SLC6A6: variants seen among roughly 807,000 people sequenced by gnomAD.
SLC6A6 encodes sodium- and chloride-dependent taurine transporter.
A neutral mutation model predicts 68.8 loss-of-function variants in SLC6A6; 16 were observed. That is an observed-to-expected ratio of 0.23 (90% CI 0.16 to 0.35). The LOEUF is 0.35. Ranked by LOEUF, SLC6A6 falls within the 10% of genes least tolerant of loss-of-function variation. The pLI is 1.00. For synonymous variants in SLC6A6, 312 were observed against 315.4 expected (o/e 0.99, Z 0.12); for missense variants, 474 against 802.8 (o/e 0.59, Z 4.95).
At chr3:14,476,942 G>A (rs918097005) in intron 10 of SLC6A6, among the ~76,000 whole-genome samples, 10 of 152,246 alleles carry the variant, frequency 6.6e-5, no homozygotes, top group African/African-American at 2.4e-4. Flanking sequence ...AGAAGATGCA[G>A]AGGTGTGGAA....
rs1430930097 is a variant in SLC6A6, at chr3:14,479,134, CG to C, written c.1503del (p.Trp503GlyfsTer2). The C allele has an allele frequency of 6.2e-7, 1 of 1,613,500 alleles. No homozygotes were observed. Among genetic ancestry groups the C allele is most frequent in the Non-Finnish European group, 8.5e-7 (1 of 1,179,544 alleles). ...TTGAGGACATGATTGGCTATCGGCCCGGGCCCTGGATGAAGTACAGCTGGGC... is the reference window on the plus strand; with the variant it reads ...TTGAGGACATGATTGGCTATCGGCCCGGCCCTGGATGAAGTACAGCTGGGC... The part of the protein sequence containing the change: ...GIEDMIGYRP[G>X]PWMKYSWAVI... On this transcript the variant is annotated frameshift_variant, in exon 13 of 15. Coordinates refer to ENST00000622186, the MANE Select transcript of SLC6A6 (RefSeq NM_003043.6). LOFTEE classifies it high-confidence loss of function.
chr3:14,488,273 G>T lies in SLC6A6; in HGVS notation c.*3266G>T. 6.6e-6 allele frequency: 1 copy of T among 152,606 alleles called. No individual in the cohort carries two copies. Among genetic ancestry groups the T allele is most frequent in the Non-Finnish European group, 1.5e-5 (1 of 68,246 alleles). 9.5% of individuals were successfully genotyped at this position (152,606 alleles called of 1,614,324 possible). On this transcript the variant is annotated 3_prime_UTR_variant, in exon 15 of 15. Coordinates refer to ENST00000622186, the MANE Select transcript of SLC6A6 (RefSeq NM_003043.6). ...CCTTCCAGGACAGCATAACCCCTGG[G>T]CCATGTGCAGCTCCTTCACTGCCCC...
intron 13 of SLC6A6, among the ~76,000 whole-genome samples, chr3:14,479,958 A>C (rs899073684): frequency 1.3e-5 from 2 of 152,194 alleles, no homozygotes; most frequent in African/African-American, 4.8e-5. Context: ...AAATGGCCCA[A>C]TATTCCTTGG....
At chr3:14,451,782 C>T (rs1455273548) in intron 5 of SLC6A6, among the ~76,000 whole-genome samples, 2 of 152,268 alleles carry the variant, frequency 1.3e-5, no homozygotes, top group African/African-American at 4.8e-5. Context: ...AGCCACCAAC[C>T]CTGCAGCGTC....
chr3:14,444,434 T>G, intron 3 of SLC6A6: 1 of 232,306 alleles, frequency 4.3e-6, no homozygotes, highest in Non-Finnish European at 8.7e-6. Flanking sequence ...GGTTTGGGTT[T>G]TTGGATTTTG....
At chr3:14,458,387 C>T (rs960595991) in intron 6 of SLC6A6, among the ~76,000 whole-genome samples, 2 of 152,248 alleles carry the variant, frequency 1.3e-5, no homozygotes, top group South Asian at 4.1e-4. Flanking sequence ...CCCCATCCAC[C>T]ACAGCTTTCT....
chr3:14,421,095 T>C (rs1699475685), intron 2 of SLC6A6, among the ~76,000 whole-genome samples: 1 of 152,212 alleles, frequency 6.6e-6, no homozygotes, highest in Non-Finnish European at 1.5e-5. Context: ...GTGACAGCCC[T>C]GGGGCATGGA....
chr3:14,414,504 T>G (rs1366789730), intron 1 of SLC6A6, among the ~76,000 whole-genome samples: 2 of 151,974 alleles, frequency 1.3e-5, no homozygotes, highest in African/African-American at 4.8e-5. Flanking sequence ...GCTAGACATA[T>G]GGACTTTAGT....
intron 2 of SLC6A6, among the ~76,000 whole-genome samples, chr3:14,429,553 T>C (rs1026359756): frequency 6.6e-6 from 1 of 152,238 alleles, no homozygotes; most frequent in Non-Finnish European, 1.5e-5. Flanking sequence ...ATCTCTTTCC[T>C]GAGCTGATTT....
intron 5 of SLC6A6, among the ~76,000 whole-genome samples, chr3:14,452,939 C>A (rs1700286221): frequency 1.3e-5 from 2 of 152,198 alleles, no homozygotes; most frequent in Admixed American, 1.3e-4. Flanking sequence ...TCCTCCAGAC[C>A]CCCTGGGAGC....
rs1263571256 is a variant in SLC6A6 at position 14,485,720 on chromosome 3, T to C, written c.*713T>C. 1 of 152,648 alleles carries C rather than the reference T, an allele frequency of 6.6e-6. No homozygotes were observed. Among genetic ancestry groups the C allele is most frequent in the Non-Finnish European group, 1.5e-5 (1 of 68,054 alleles). The allele number at this position is 152,648 out of a possible 1,614,324, so 9.5% of individuals were successfully genotyped here. A position where few individuals can be genotyped will look rare whatever the true frequency, so the allele number is the denominator to read the frequency against. ...AGGAGGCCCTATAGCAGAAGTCTGA[T>C]TCTAAGAGCAGTAGAAACTTGTACC... is the stretch of plus-strand genomic sequence containing the variant. On this transcript the variant is annotated 3_prime_UTR_variant, in exon 15 of 15. Transcript: ENST00000622186.
At chr3:14,412,068 G>A (rs980621926) in intron 1 of SLC6A6, among the ~76,000 whole-genome samples, 2 of 152,218 alleles carry the variant, frequency 1.3e-5, no homozygotes, top group Admixed American at 6.5e-5. Flanking sequence ...GATAGGTTTT[G>A]TGTTTAAGGG....
chr3:14,411,788 A>G (rs777255216), intron 1 of SLC6A6, among the ~76,000 whole-genome samples: 85 of 152,296 alleles, frequency 5.6e-4, no homozygotes, highest in Non-Finnish European at 1.1e-3. Flanking sequence ...CATCCATCTC[A>G]CAAATATTCA....
Position 14,430,122 on chromosome 3 carries a change from T to C in SLC6A6, c.-11-13502T>C, listed in dbSNP as rs191343138. 3.3e-5 allele frequency among the ~76,000 whole-genome samples: 5 copies of C among 152,222 alleles called. No homozygotes were observed. In the East Asian group the frequency reaches 7.7e-4, roughly 23 times the overall value. On this transcript the variant is annotated intron_variant, in intron 2 of 14. Coordinates refer to ENST00000622186, the MANE Select transcript of SLC6A6 (RefSeq NM_003043.6). ...AGGGGCAGTGCCGGGGAGAGAGTCA[T>C]GCTGGGCAAAAGGAGAAATAAGGTG...
rs990239651 is a variant in SLC6A6 at position 14,478,332 on chromosome 3, A to T, written c.1348-134A>T. On this transcript the variant is annotated intron_variant, in intron 11 of 14. Transcript: ENST00000622186. The stretch of plus-strand genomic sequence containing the variant: ...AAGTTGAGCATCTTTTTGTATATTT[A>T]TCTGGTCATCAGAGTCTTTGTCCAT... The T allele has an allele frequency of 1.6e-5, 11 of 668,122 alleles. No individual in the cohort carries two copies. In the East Asian group the frequency reaches 2.0e-4, roughly 12 times the overall value. 41.4% of individuals were successfully genotyped at this position (668,122 alleles called of 1,614,324 possible).
rs148666597 is a variant in SLC6A6 at position 14,481,994 on chromosome 3, T to C, written c.1722+153T>C. On this transcript the variant is annotated intron_variant, in intron 14 of 14. Coordinates refer to ENST00000622186, the MANE Select transcript of SLC6A6 (RefSeq NM_003043.6). The surrounding 1 kb of genome is among the most constrained non-coding windows in gnomAD (Gnocchi z 4.7). ...GTGGTTCAGCTTATGGGCAGCAGAG[T>C]GCATTGTGGGAAGACGGGAAGCAAG... is the stretch of plus-strand genomic sequence containing the variant. Among the ~76,000 whole-genome samples the C allele has an allele frequency of 1.5e-3, 226 of 152,142 alleles. No homozygotes were observed. The highest frequency in any genetic ancestry group is 5.2e-3 in the African/African-American group (216 of 41,476).
intron 10 of SLC6A6, among the ~76,000 whole-genome samples, chr3:14,475,565 G>A (rs547416958): frequency 3.9e-5 from 6 of 152,176 alleles, no homozygotes; most frequent in Admixed American, 1.3e-4. Context: ...GCTGTTAAGC[G>A]ACGGAGGGCT....
chr3:14,440,823 G>T (rs1430783036), intron 2 of SLC6A6, among the ~76,000 whole-genome samples: 10 of 152,078 alleles, frequency 6.6e-5, no homozygotes. Flanking sequence ...GTGGACCTGT[G>T]ACTGCAGCCC....
chr3:14,463,023 C>T (rs192308487), intron 6 of SLC6A6, among the ~76,000 whole-genome samples: 433 of 152,294 alleles, frequency 2.8e-3, no homozygotes, highest in Non-Finnish European at 4.6e-3. Context: ...CGGTTTTGTG[C>T]GTGTGTGTGA....
Sources: gnomAD v4.1 joint callset for allele counts (sites outside exome capture counted in the v4.1 genomes callset) on GRCh38, gnomAD v4.1.1 for gene constraint, Gnocchi (gnomAD v3.1) non-coding constraint, MANE v1.5 for transcripts, NCBI Gene and HGNC (gene_info 2026-07-23, HGNC 2026-07-21) for gene names.